Variants in CACNA1B observed in about 807,000 individuals in gnomAD.
CACNA1B encodes the protein voltage-dependent N-type calcium channel subunit alpha-1B.
A neutral mutation model predicts 247.2 loss-of-function variants in CACNA1B; 70 were observed. The observed-to-expected ratio is 0.28, with a 90% confidence interval of 0.23 to 0.35. CACNA1B has a LOEUF of 0.35. Among genes scored for constraint, CACNA1B ranks in the 10% least tolerant of loss-of-function variants. The pLI is 1.00. For synonymous variants in CACNA1B, 1,231 were observed against 1,294.4 expected, an observed-to-expected ratio of 0.95 and a Z score of 1.05; for missense variants, 2,367 against 3,197.4, an observed-to-expected ratio of 0.74 and a Z score of 6.26.
Position 138,052,176 on chromosome 9 carries a change from G to A in CACNA1B, c.3795G>A (p.Leu1265=), listed in dbSNP as rs776917313. The A allele has an allele frequency of 1.9e-6, 3 of 1,606,586 alleles. No homozygotes were observed. The highest frequency in any genetic ancestry group is 2.6e-6 in the Non-Finnish European group (3 of 1,174,608). Residue 1265 remains leucine (L), a synonymous_variant, in exon 25 of 47, where the codon CTG becomes CTA. Coordinates refer to ENST00000371372, the MANE Select transcript of CACNA1B (RefSeq NM_000718.4). The surrounding 1 kb of genome is among the most constrained non-coding windows in gnomAD (Gnocchi z 5.1). ...GGCCCCTCAAGACCATCAAACGGCT[G>A]CCCAAGCTCAAGGTTAGAGCCTGGA... ...VLRPLKTIKR[L]PKLKAVFDCV... is the part of the protein sequence containing the mutation.
intron 20 of CACNA1B, among the ~76,000 whole-genome samples, chr9:138,035,419 T>C (rs1286573541): frequency 6.6e-6 from 1 of 152,184 alleles, no homozygotes; most frequent in Non-Finnish European, 1.5e-5. Context: ...TGAGCTGTGA[T>C]CGTGCCACTG....
chr9:138,062,210 A>T (rs549328991), intron 31 of CACNA1B, among the ~76,000 whole-genome samples: 2 of 151,780 alleles, frequency 1.3e-5, no homozygotes, highest in East Asian at 2.0e-4. Context: ...TTTCCCCCCC[A>T]CACAGAGCTG....
chr9:138,043,790 G>A lies in CACNA1B; in HGVS notation c.3303G>A (p.Leu1101=). 6.2e-7 allele frequency: 1 copy of A among 1,613,888 alleles called. No homozygotes were observed. The highest frequency in any genetic ancestry group is 8.5e-7 in the Non-Finnish European group (1 of 1,179,848). ...TCCTTGTAGGTGGTAACGTGGACCT[G>A]GAAAGCCAAGCAGAGGGGAAGAAGG... is the stretch of plus-strand genomic sequence containing the variant. The part of the protein sequence containing the change: ...ATVVPSGNVD[L]ESQAEGKKEV... Residue 1101 remains leucine (L), a synonymous_variant, in exon 21 of 47, where the codon CTG becomes CTA. Transcript: ENST00000371372.
intron 21 of CACNA1B, among the ~76,000 whole-genome samples, chr9:138,045,706 A>G (rs1482540297): frequency 2.6e-5 from 4 of 152,234 alleles, no homozygotes; most frequent in African/African-American, 9.6e-5. Flanking sequence ...CCCAGACACA[A>G]GTTGGAGTGG....
In CACNA1B at chr9:138,122,788, C is replaced by T. The variant is rs3750508; in HGVS notation, c.*789C>T. On this transcript the variant is annotated 3_prime_UTR_variant, in exon 47 of 47. Transcript: ENST00000371372. The stretch of plus-strand genomic sequence containing the variant: ...CCTGTCCGGTCCAGGTGGACGTAGA[C>T]GGCCCCTGGCTCTGCTGCTCTTGAC... The T allele has an allele frequency of 0.28, 42,658 of 152,240 alleles. 6,964 individuals carry two copies. Among genetic ancestry groups the T allele is most frequent in the Middle Eastern group, 0.49 (143 of 294 alleles). 9.4% of individuals were successfully genotyped at this position (152,240 alleles called of 1,614,324 possible).
chr9:138,037,426 A>G (rs1319654480), intron 20 of CACNA1B, among the ~76,000 whole-genome samples: 1 of 152,246 alleles, frequency 6.6e-6, no homozygotes, highest in Admixed American at 6.5e-5. Context: ...TGGGAGGCCA[A>G]GGTGGGAGGA....
chr9:137,957,664 G>T lies in CACNA1B; in HGVS notation c.1310G>T (p.Arg437Leu). The T allele has an allele frequency of 6.2e-7, 1 of 1,600,708 alleles. No homozygotes were observed. The highest frequency in any genetic ancestry group is 8.5e-7 in the Non-Finnish European group (1 of 1,173,772). ...DLIHAEEGEDRFADLCAVGSP... is the reference protein window; with the variant it reads ...DLIHAEEGEDLFADLCAVGSP... ...ATCCACGCAGAGGAGGGAGAGGACC[G>T]GTTTGCAGATCTCTGTGCTGTTGGT... is the stretch of plus-strand genomic sequence containing the variant. Residue 437 changes from arginine to leucine, a missense_variant, in exon 10 of 47, where the codon CGG becomes CTG. By Grantham distance (102) the Arg-to-Leu change is moderately radical. Transcript: ENST00000371372. The surrounding 1 kb of genome is among the most constrained non-coding windows in gnomAD (Gnocchi z 4.7).
intron 36 of CACNA1B, among the ~76,000 whole-genome samples, chr9:138,090,386 T>C (rs1301742113): frequency 1.3e-5 from 2 of 152,120 alleles, no homozygotes; most frequent in Non-Finnish European, 2.9e-5. Flanking sequence ...TATCTCTCGC[T>C]ATTTACAAAA....
intron 36 of CACNA1B, among the ~76,000 whole-genome samples, chr9:138,080,418 G>A (rs906619939): frequency 5.3e-5 from 8 of 152,090 alleles, no homozygotes; most frequent in African/African-American, 7.2e-5. Context: ...TGATGCCATC[G>A]GTAAACATCA....
intron 22 of CACNA1B, 139 bp downstream of exon 22, chr9:138,047,172 G>C: frequency 1.2e-6 from 1 of 853,036 alleles, no homozygotes. Flanking sequence ...CTGTGTGCCT[G>C]GCAGTGCACG....
rs147625048 is a variant in CACNA1B at position 138,086,513 on chromosome 9, G to C, written c.5094+8255G>C. Reference sequence around the variant, plus strand: ...GAGTAGCCACTACACTCCAGCCTGGGCAACATACCAAGACCCCATCTCTTT... The same window carrying C: ...GAGTAGCCACTACACTCCAGCCTGGCCAACATACCAAGACCCCATCTCTTT... On this transcript the variant is annotated intron_variant, in intron 36 of 46. Coordinates refer to ENST00000371372, the MANE Select transcript of CACNA1B (RefSeq NM_000718.4). 7.7e-3 allele frequency among the ~76,000 whole-genome samples: 1,163 copies of C among 151,014 alleles called. 70 individuals carry two copies. The highest frequency in any genetic ancestry group is 0.027 in the African/African-American group (1,101 of 40,816).
At position 138,052,249 on chromosome 9, in the gene CACNA1B, C is replaced by CGTGTGTGCGTGCGTGTGT. The variant is rs56929123; in HGVS notation, c.3807+68_3807+69insCGTGCGTGTGTGTGTGTG. 1.4e-6 allele frequency: 1 copy of CGTGTGTGCGTGCGTGTGT among 728,578 alleles called. No individual in the cohort carries two copies. The allele number at this position is 728,578 out of a possible 1,614,324, so 45.1% of individuals were successfully genotyped here. ...GTGTGTGTGTGCGTGTGTGTGTGTGCGTGTGTGTGTGTGTATGCATGCAGT... is the reference window on the plus strand; with the variant it reads ...GTGTGTGTGTGCGTGTGTGTGTGTGCGTGTGTGCGTGCGTGTGTGTGTGTGTGTGTGTATGCATGCAGT... On this transcript the variant is annotated intron_variant, in intron 25 of 46. Transcript: ENST00000371372. This position sits in a 1 kb window ranked among gnomAD's most constrained non-coding sequence, Gnocchi z 5.1.
chr9:138,064,845 A>C (rs1959859471), intron 31 of CACNA1B, among the ~76,000 whole-genome samples: 1 of 152,228 alleles, frequency 6.6e-6, no homozygotes, highest in African/African-American at 2.4e-5. Flanking sequence ...TCCTCCCGTC[A>C]ACCCTGGCCT....
intron 32 of CACNA1B, among the ~76,000 whole-genome samples, chr9:138,070,897 C>T (rs775868522): frequency 1.1e-4 from 16 of 152,244 alleles, no homozygotes; most frequent in Non-Finnish European, 2.1e-4. Context: ...AGTTTTTCTG[C>T]ACCTGCTGGG....
At chr9:138,091,111 A>G (rs1960863719) in intron 36 of CACNA1B, among the ~76,000 whole-genome samples, 1 of 152,186 alleles carries the variant, frequency 6.6e-6, no homozygotes, top group Non-Finnish European at 1.5e-5. Context: ...TACTATTCAC[A>G]GTAGCCAAGA....
chr9:137,968,349 C>T (rs2133361042), intron 10 of CACNA1B, among the ~76,000 whole-genome samples: 1 of 152,352 alleles, frequency 6.6e-6, no homozygotes, highest in Admixed American at 6.5e-5. Flanking sequence ...GTCACCCTGT[C>T]GGCCCTGACG....
At chr9:138,099,426 T>G (rs190752141) in intron 37 of CACNA1B, among the ~76,000 whole-genome samples, 119 of 152,312 alleles carry the variant, frequency 7.8e-4, no homozygotes, top group Non-Finnish European at 1.2e-3. Flanking sequence ...GAATGACATG[T>G]GCACCTGTGT....
chr9:138,085,568 C>G (rs985073662), intron 36 of CACNA1B, among the ~76,000 whole-genome samples: 2 of 151,182 alleles, frequency 1.3e-5, no homozygotes, highest in South Asian at 4.2e-4. Context: ...AAAAGGTTCT[C>G]CCCGGGACAT....
At position 137,971,621 on chromosome 9, in the gene CACNA1B, C is replaced by A; in HGVS notation, c.1543+29C>A. 2 of 1,563,266 alleles carry A rather than the reference C, an allele frequency of 1.3e-6. No homozygotes were observed. The highest frequency in any genetic ancestry group is 1.8e-6 in the Non-Finnish European group (2 of 1,138,646). ...CGTATCCCCGTCCCTCCCTCAGGTG[C>A]TTCCTGAGCATCTCTGCTCTCAGTC... On this transcript the variant is annotated intron_variant, in intron 11 of 46. Coordinates refer to ENST00000371372, the MANE Select transcript of CACNA1B (RefSeq NM_000718.4). The surrounding 1 kb of genome is among the most constrained non-coding windows in gnomAD (Gnocchi z 4.4).
Sources: gnomAD v4.1 joint callset for allele counts (sites outside exome capture counted in the v4.1 genomes callset) on GRCh38, gnomAD v4.1.1 for gene constraint, Gnocchi (gnomAD v3.1) non-coding constraint, MANE v1.5 for transcripts, NCBI Gene and HGNC (gene_info 2026-07-23, HGNC 2026-07-21) for gene names.